WDR25: variants seen among roughly 807,000 people sequenced by gnomAD.
The protein encoded by WDR25 is WD repeat domain 25, also known as WD repeat-containing protein 25.
A neutral mutation model predicts 47.7 loss-of-function variants in WDR25; 35 were observed. The ratio of observed to expected loss-of-function variants is 0.73; its 90% CI spans 0.56 to 0.97. The LOEUF (loss-of-function observed/expected upper bound fraction) is 0.97, where lower values mean the gene tolerates loss of function less well. WDR25 is among the 50% of genes least tolerant of loss of function. The pLI, the probability that WDR25 is intolerant of heterozygous loss-of-function variation, is 0.00. For missense variants in WDR25, 634 were observed against 704.7 expected (o/e 0.90, Z 1.14); for synonymous variants, 248 against 278.9 (o/e 0.89, Z 1.10).
chr14:100,484,242 T>A, intron 4 of WDR25, 118 bp downstream of exon 4: 1 of 1,167,700 alleles, frequency 8.6e-7, no homozygotes, highest in Non-Finnish European at 1.2e-6. Context: ...AATTACCACT[T>A]AATATTTAAT....
intron 4 of WDR25, 23 bp downstream of exon 4, chr14:100,484,147 G>A (rs757253330): frequency 2.7e-5 from 43 of 1,601,066 alleles, no homozygotes; most frequent in Non-Finnish European, 3.5e-5. Context: ...TTCCTAACTT[G>A]GCCTTTCCAC....
rs1351360297 is a variant in WDR25, at chr14:100,392,164, C to T, written c.822+10418C>T. 6.6e-6 allele frequency among the ~76,000 whole-genome samples: 1 copy of T among 152,054 alleles called. No individual in the cohort carries two copies. The highest frequency in any genetic ancestry group is 2.4e-5 in the African/African-American group (1 of 41,394). On this transcript the variant is annotated intron_variant, in intron 2 of 6. Transcript: ENST00000402312. This position sits in a 1 kb window ranked among gnomAD's most constrained non-coding sequence, Gnocchi z 4.2. ...GTCCTCAGTTTTCACTTCTAATACGCGAAGTACCCATAGCTATAATCCGAA... is the reference window on the plus strand; with the variant it reads ...GTCCTCAGTTTTCACTTCTAATACGTGAAGTACCCATAGCTATAATCCGAA...
chr14:100,486,315 G>A (rs1009234017), intron 4 of WDR25, among the ~76,000 whole-genome samples: 2 of 152,130 alleles, frequency 1.3e-5, no homozygotes, highest in African/African-American at 4.8e-5. Flanking sequence ...TTTTTTCCCA[G>A]GGCAGATGCC....
chr14:100,507,515 T>G (rs887457547), intron 4 of WDR25, among the ~76,000 whole-genome samples: 2 of 152,204 alleles, frequency 1.3e-5, no homozygotes, highest in African/African-American at 2.4e-5. Flanking sequence ...TTTAATGATA[T>G]TGATTCTTCG....
chr14:100,476,464 A>G (rs1259212003), intron 3 of WDR25: 1 of 152,162 alleles, frequency 6.6e-6, no homozygotes, highest in Non-Finnish European at 1.5e-5. Context: ...CTCAATTACC[A>G]CAAGCCAACA....
chr14:100,515,058 T>G (rs1901447324), intron 4 of WDR25, among the ~76,000 whole-genome samples: 1 of 152,240 alleles, frequency 6.6e-6, no homozygotes, highest in South Asian at 2.1e-4. Flanking sequence ...CTGTTTCCAA[T>G]GAGAAGTCTG....
intron 2 of WDR25, chr14:100,382,075 T>C: frequency 1.4e-6 from 1 of 702,940 alleles, no homozygotes; most frequent in East Asian, 2.7e-5. Flanking sequence ...GGGGACATCC[T>C]CGGTGACCCT....
chr14:100,525,923 C>T lies in WDR25; in HGVS notation c.1155C>T (p.Leu385=). 1 of 1,613,964 alleles carries T rather than the reference C, an allele frequency of 6.2e-7. No homozygotes were observed. The highest frequency in any genetic ancestry group is 1.1e-5 in the South Asian group (1 of 91,080). The change falls in exon 5 of 7, where the codon CTC becomes CTT. Residue 385 remains leucine (L), a synonymous_variant. Transcript: ENST00000402312. The surrounding 1 kb of genome is among the most constrained non-coding windows in gnomAD (Gnocchi z 4.6). ...TIQQTLDILF[L]REGSEFLSST... ...AGCAGACCTTGGACATCCTGTTCCTCCGGGAAGGCTCCGAGTTCCTGAGCA... is the reference window on the plus strand; with the variant it reads ...AGCAGACCTTGGACATCCTGTTCCTTCGGGAAGGCTCCGAGTTCCTGAGCA...
intron 2 of WDR25, among the ~76,000 whole-genome samples, chr14:100,396,605 C>T (rs1897265532): frequency 6.6e-6 from 1 of 152,316 alleles, no homozygotes. Flanking sequence ...CAAGTGGCCT[C>T]ACAAAGGCAT....
Position 100,502,275 on chromosome 14 carries a change from A to G in WDR25, c.1101+18151A>G, listed in dbSNP as rs1900950064. ...TGTACATTGTCCGAGGGACAGTTTC[A>G]TAACTTCCCTGCTTAAGGGGAAAGG... On this transcript the variant is annotated intron_variant, in intron 4 of 6. Coordinates refer to ENST00000402312, the MANE Select transcript of WDR25 (RefSeq NM_001161476.3). This position sits in a 1 kb window ranked among gnomAD's most constrained non-coding sequence, Gnocchi z 4.5. Among the ~76,000 whole-genome samples, 1 of 152,180 alleles carries G rather than the reference A, an allele frequency of 6.6e-6. No individual in the cohort carries two copies. The highest frequency in any genetic ancestry group is 6.5e-5 in the Admixed American group (1 of 15,280).
At chr14:100,409,150 C>T (rs1425573524) in intron 2 of WDR25, among the ~76,000 whole-genome samples, 2 of 152,144 alleles carry the variant, frequency 1.3e-5, no homozygotes, top group East Asian at 1.9e-4. Context: ...ACAACTCTGC[C>T]GTTTTCTGTC....
intron 2 of WDR25, among the ~76,000 whole-genome samples, chr14:100,399,587 C>T (rs1232833812): frequency 6.6e-6 from 1 of 152,182 alleles, no homozygotes; most frequent in African/African-American, 2.4e-5. Context: ...TTCCCTGCAA[C>T]AGGCCAGTGA....
intron 2 of WDR25, among the ~76,000 whole-genome samples, chr14:100,466,427 T>C (rs1395751748): frequency 6.6e-6 from 1 of 152,154 alleles, no homozygotes; most frequent in Non-Finnish European, 1.5e-5. Context: ...TGGGATCAGG[T>C]TGGTAGAAGT....
chr14:100,411,684 C>T (rs1897713028), intron 2 of WDR25, among the ~76,000 whole-genome samples: 2 of 151,960 alleles, frequency 1.3e-5, no homozygotes, highest in Admixed American at 1.3e-4. Flanking sequence ...CTACAGGCAC[C>T]CGCCACCACA....
chr14:100,404,900 A>G lies in WDR25; in HGVS notation c.822+23154A>G, dbSNP rs1488213395. ...GGTTATTCCTTGTATCATTGTCTGA[A>G]CTTGGCACTGGTGTGTTTGGGCCCT... is the stretch of plus-strand genomic sequence containing the variant. On this transcript the variant is annotated intron_variant, in intron 2 of 6. Transcript: ENST00000402312. The surrounding 1 kb of genome is among the most constrained non-coding windows in gnomAD (Gnocchi z 4.6). 6.6e-6 allele frequency among the ~76,000 whole-genome samples: 1 copy of G among 151,904 alleles called. No homozygotes were observed.
chr14:100,381,422 G>T lies in WDR25; in HGVS notation c.498G>T (p.Lys166Asn), dbSNP rs1161201975. 2 of 1,614,052 alleles carry T rather than the reference G, an allele frequency of 1.2e-6. No individual in the cohort carries two copies. Among genetic ancestry groups the T allele is most frequent in the Non-Finnish European group, 1.7e-6 (2 of 1,180,036 alleles). The change falls in exon 2 of 7, where the codon AAG (lysine) becomes AAT (asparagine). Residue 166 changes from lysine (K) to asparagine (N), a missense_variant. Transcript: ENST00000402312. ...TVGKNGSSFQ[K>N]KKCEDCVVPY... ...GTAAAAATGGCAGCTCTTTTCAGAA[G>T]AAAAAATGTGAGGACTGTGTGGTAC...
intron 2 of WDR25, among the ~76,000 whole-genome samples, chr14:100,451,389 G>A (rs576520014): frequency 1.3e-5 from 2 of 151,932 alleles, no homozygotes; most frequent in Non-Finnish European, 2.9e-5. Flanking sequence ...CTAGAGTTGT[G>A]TGCCACCGTA....
In WDR25 at chr14:100,412,892, C is replaced by T. The variant is rs370214728; in HGVS notation, c.822+31146C>T. 3.5e-4 allele frequency among the ~76,000 whole-genome samples: 54 copies of T among 152,212 alleles called. No homozygotes were observed. The East Asian group carries it at 3.9e-3, about 11-fold the overall frequency. ...TTGCCCAGGCTGGAGTACAGTGGCG[C>T]GATCTTGGCTCACTGCAACCTCCAC... On this transcript the variant is annotated intron_variant, in intron 2 of 6. Transcript: ENST00000402312.
chr14:100,381,458 C>A lies in WDR25; in HGVS notation c.534C>A (p.Pro178=), dbSNP rs1041893195. 1 of 1,614,188 alleles carries A rather than the reference C, an allele frequency of 6.2e-7. No individual in the cohort carries two copies. Among genetic ancestry groups the A allele is most frequent in the Admixed American group, 1.7e-5 (1 of 60,032 alleles). The change falls in exon 2 of 7, where the codon CCC becomes CCA. Residue 178 remains proline (P), a synonymous_variant. Coordinates refer to ENST00000402312, the MANE Select transcript of WDR25 (RefSeq NM_001161476.3). ...AGGACTGTGTGGTACCCTATACTCC[C>A]AGAAGACTAAGACAGCGGCAGGCAT... ...KCEDCVVPYT[P]RRLRQRQALS...
Sources: gnomAD v4.1 joint callset for allele counts (sites outside exome capture counted in the v4.1 genomes callset) on GRCh38, gnomAD v4.1.1 for gene constraint, Gnocchi (gnomAD v3.1) non-coding constraint, MANE v1.5 for transcripts, NCBI Gene and HGNC (gene_info 2026-07-23, HGNC 2026-07-21) for gene names.